The following PDE1A variants were observed in gnomAD, a reference collection of about 807,000 sequenced individuals.
The protein encoded by PDE1A is dual specificity calcium/calmodulin-dependent 3',5'-cyclic nucleotide phosphodiesterase 1A.
A neutral mutation model predicts 61.7 loss-of-function variants in PDE1A; 35 were observed. The ratio of observed to expected loss-of-function variants is 0.57; its 90% CI spans 0.43 to 0.75. The LOEUF (loss-of-function observed/expected upper bound fraction) is 0.75. Among genes scored for constraint, PDE1A ranks in the 30% least tolerant of loss-of-function variants. The pLI is 0.00. For missense variants in PDE1A, 597 were observed against 630.6 expected, an observed-to-expected ratio of 0.95 and a Z score of 0.57; for synonymous variants, 232 against 213.2, an observed-to-expected ratio of 1.09 and a Z score of -0.77.
At chr2:182,235,705 C>T (rs956561432) in intron 3 of PDE1A, among the ~76,000 whole-genome samples, 5 of 152,160 alleles carry the variant, frequency 3.3e-5, no homozygotes, top group African/African-American at 1.2e-4. Flanking sequence ...TAGTCCACAA[C>T]GAGCTGAATT....
At chr2:182,423,366 T>C (rs1326780517) in intron 1 of PDE1A, among the ~76,000 whole-genome samples, 3 of 152,092 alleles carry the variant, frequency 2.0e-5, no homozygotes, top group Admixed American at 6.6e-5. Context: ...GCCCCAGACA[T>C]TCTTAGAGGC....
intron 1 of PDE1A, among the ~76,000 whole-genome samples, chr2:182,362,027 G>T (rs1559376652): frequency 6.6e-6 from 1 of 152,162 alleles, no homozygotes; most frequent in East Asian, 1.9e-4. Flanking sequence ...TAAAGAGTTT[G>T]CTTTAGCATC....
At chr2:182,224,019 T>A in intron 6 of PDE1A, 55 bp from the exon 7 acceptor site, 1 of 1,246,870 alleles carries the variant, frequency 8.0e-7, no homozygotes, top group Non-Finnish European at 1.2e-6. Flanking sequence ...ACATCTTTCC[T>A]TTCTTTGAAA....
the PDE1A span, among the ~76,000 whole-genome samples, chr2:182,630,533 C>G: frequency 1.4e-5 from 2 of 139,608 alleles, no homozygotes; most frequent in African/African-American, 5.2e-5. Context: ...AAGGCAAGCT[C>G]CCTTTCTTTA....
chr2:182,484,899 G>GT (rs1480485184), intron 2 of PDE1A, among the ~76,000 whole-genome samples: 1 of 151,910 alleles, frequency 6.6e-6, no homozygotes, highest in Non-Finnish European at 1.5e-5. Flanking sequence ...AAAAGAGAAC[G>GT]TTTATACACT....
intron 1 of PDE1A, among the ~76,000 whole-genome samples, chr2:182,318,137 C>T (rs1407552159): frequency 6.6e-6 from 1 of 152,106 alleles, no homozygotes; most frequent in Non-Finnish European, 1.5e-5. Flanking sequence ...TCTCTACTTT[C>T]ACAAACATGA....
intron 2 of PDE1A, among the ~76,000 whole-genome samples, chr2:182,263,219 C>T (rs1643234888): frequency 6.6e-6 from 1 of 152,010 alleles, no homozygotes; most frequent in South Asian, 2.1e-4. Context: ...ATTATAGGAC[C>T]AAAGGGTCTG....
chr2:182,271,662 CA>C (rs1693034946), intron 1 of PDE1A, among the ~76,000 whole-genome samples: 1 of 152,026 alleles, frequency 6.6e-6, no homozygotes, highest in African/African-American at 2.4e-5. Flanking sequence ...AACAAGGAAC[CA>C]ATCAAGTGTT....
the PDE1A span, among the ~76,000 whole-genome samples, chr2:182,530,119 C>G: frequency 6.6e-6 from 1 of 152,180 alleles, no homozygotes. Flanking sequence ...GAAATTCAGG[C>G]TTCTGCTTCT....
At chr2:182,584,146 G>C in the PDE1A span, among the ~76,000 whole-genome samples, 1 of 151,898 alleles carries the variant, frequency 6.6e-6, no homozygotes, top group African/African-American at 2.4e-5. Flanking sequence ...TGGACTTAGA[G>C]AGACTTCAAT....
chr2:182,527,832 T>C (rs1367824070), upstream of PDE1A, among the ~76,000 whole-genome samples: 3 of 152,050 alleles, frequency 2.0e-5, no homozygotes, highest in Non-Finnish European at 4.4e-5. Flanking sequence ...TGAATAAGTC[T>C]CATGAGATCT....
At chr2:182,707,522 TACG>T in the PDE1A span, among the ~76,000 whole-genome samples, 2 of 152,104 alleles carry the variant, frequency 1.3e-5, no homozygotes, top group African/African-American at 2.4e-5. Context: ...TAGTAATAAA[TACG>T]ACAACTTAGA....
intron 2 of PDE1A, among the ~76,000 whole-genome samples, chr2:182,450,230 A>C (rs1685421041): frequency 6.6e-6 from 1 of 152,086 alleles, no homozygotes; most frequent in Admixed American, 6.6e-5. Flanking sequence ...AGCACCATCA[A>C]GCACATATCA....
chr2:182,265,760 G>A (rs1016133201), intron 1 of PDE1A, among the ~76,000 whole-genome samples: 1 of 152,076 alleles, frequency 6.6e-6, no homozygotes, highest in Non-Finnish European at 1.5e-5. Flanking sequence ...TCTTTACCAA[G>A]TACAAAAGGA....
chr2:182,524,739 A>G (rs1690747087), upstream of PDE1A, among the ~76,000 whole-genome samples: 1 of 152,102 alleles, frequency 6.6e-6, no homozygotes, highest in Non-Finnish European at 1.5e-5. Flanking sequence ...TTAGTTTACA[A>G]AAAAATTCAA....
At chr2:182,670,962 C>T in the PDE1A span, among the ~76,000 whole-genome samples, 1 of 151,732 alleles carries the variant, frequency 6.6e-6, no homozygotes, top group Non-Finnish European at 1.5e-5. Flanking sequence ...GTTTTACAGG[C>T]GTACACCACC....
chr2:182,670,093 C>A, the PDE1A span, among the ~76,000 whole-genome samples: 76 of 152,206 alleles, frequency 5.0e-4, no homozygotes, highest in Non-Finnish European at 9.1e-4. Context: ...ATGCAGATAT[C>A]TTGTCCAGCC....
the PDE1A span, among the ~76,000 whole-genome samples, chr2:182,626,748 CATATATATAT>C: frequency 6.0e-5 from 1 of 16,614 alleles, no homozygotes; most frequent in African/African-American, 1.5e-4. Context: ...CATATATATA[CATATATATAT>C]ATACATATAT....
At chr2:182,489,565 T>C (rs80144068) in intron 2 of PDE1A, among the ~76,000 whole-genome samples, 1,840 of 152,262 alleles carry the variant, frequency 0.012, 38 homozygotes, top group African/African-American at 0.042. Context: ...TAAGAAGTGA[T>C]TGGATTCTAG....
Sources: gnomAD v4.1 joint callset for allele counts (sites outside exome capture counted in the v4.1 genomes callset) on GRCh38, gnomAD v4.1.1 for gene constraint, MANE v1.5 for transcripts, NCBI Gene and HGNC (gene_info 2026-07-23, HGNC 2026-07-21) for gene names.